Variants in RALYL observed in about 807,000 individuals in gnomAD.
The protein encoded by RALYL is RALY RNA binding protein like, also known as RNA-binding Raly-like protein.
RALYL carries 29 observed loss-of-function variants against 35.1 expected under a neutral mutation model. The observed-to-expected ratio is 0.83, with a 90% CI of 0.61 to 1.13. The LOEUF (loss-of-function observed/expected upper bound fraction) is 1.13. Ranked by LOEUF, RALYL falls within the 50% of genes most tolerant of loss-of-function variation. The probability of loss-of-function intolerance (pLI) is 0.00; values close to 1 mark genes in which losing one functional copy is unlikely to be tolerated. For missense variants in RALYL, 359 were observed against 360.4 expected, an observed-to-expected ratio of 1.00 and a Z score of 0.03; for synonymous variants, 120 against 127.6, an observed-to-expected ratio of 0.94 and a Z score of 0.40.
At chr8:84,621,926 A>G (rs2050034636) in intron 2 of RALYL, among the ~76,000 whole-genome samples, 1 of 152,160 alleles carries the variant, frequency 6.6e-6, no homozygotes, top group Non-Finnish European at 1.5e-5. Flanking sequence ...ATTTACTATG[A>G]CTTTTTGGTA....
intron 1 of RALYL, among the ~76,000 whole-genome samples, chr8:84,391,516 C>T (rs1860693711): frequency 6.6e-6 from 1 of 152,024 alleles, no homozygotes; most frequent in Non-Finnish European, 1.5e-5. Context: ...ACCTCCTTTT[C>T]AGTTCATTGT....
chr8:84,557,536 AT>A (rs773237445), intron 2 of RALYL, among the ~76,000 whole-genome samples: 19 of 152,230 alleles, frequency 1.2e-4, no homozygotes, highest in Admixed American at 1.2e-3. Context: ...TCTAGAGCTT[AT>A]GCATTCTCTA....
chr8:84,830,897 T>G (rs1047159927), intron 4 of RALYL, among the ~76,000 whole-genome samples: 1 of 152,064 alleles, frequency 6.6e-6, no homozygotes, highest in Admixed American at 6.5e-5. Flanking sequence ...ATATGGAAAA[T>G]ATCAGTTAAC....
At chr8:84,899,058 A>G (rs1041816440) in intron 8 of RALYL, among the ~76,000 whole-genome samples, 9 of 152,142 alleles carry the variant, frequency 5.9e-5, no homozygotes, top group Non-Finnish European at 1.3e-4. Flanking sequence ...ATGTTGGGTT[A>G]CCTGATGATT....
chr8:84,833,930 C>G (rs1330047349), intron 4 of RALYL, among the ~76,000 whole-genome samples: 1 of 151,382 alleles, frequency 6.6e-6, no homozygotes, highest in Non-Finnish European at 1.5e-5. Flanking sequence ...TAAATGATAA[C>G]TGTTAACATT....
intron 1 of RALYL, among the ~76,000 whole-genome samples, chr8:84,330,665 G>C (rs569533280): frequency 6.6e-6 from 1 of 151,850 alleles, no homozygotes; most frequent in East Asian, 1.9e-4. Flanking sequence ...ATCTTTGAAG[G>C]CCTGTTATCC....
chr8:84,463,835 T>A (rs185351327), intron 1 of RALYL, among the ~76,000 whole-genome samples: 175 of 152,168 alleles, frequency 1.2e-3, no homozygotes, highest in Non-Finnish European at 2.1e-3. Context: ...ATGCACATAG[T>A]CATGTACCCA....
chr8:84,794,528 T>A (rs1177918796), intron 3 of RALYL, among the ~76,000 whole-genome samples: 2 of 152,262 alleles, frequency 1.3e-5, no homozygotes, highest in African/African-American at 4.8e-5. Context: ...CAAATCTTGC[T>A]ACATGAAAAT....
At chr8:84,471,522 A>C (rs2052752129) in intron 1 of RALYL, among the ~76,000 whole-genome samples, 1 of 152,046 alleles carries the variant, frequency 6.6e-6, no homozygotes, top group Non-Finnish European at 1.5e-5. Flanking sequence ...TGAGCCCAGG[A>C]GTTTGACAGC....
chr8:84,397,596 A>G (rs1004212759), intron 1 of RALYL, among the ~76,000 whole-genome samples: 1 of 152,196 alleles, frequency 6.6e-6, no homozygotes, highest in Non-Finnish European at 1.5e-5. Flanking sequence ...CTAGGCCAGA[A>G]CCACCACATT....
intron 1 of RALYL, among the ~76,000 whole-genome samples, chr8:84,186,959 T>C (rs1812683595): frequency 2.0e-5 from 3 of 152,120 alleles, no homozygotes; most frequent in Middle Eastern, 3.2e-3. Flanking sequence ...AAAAAATGTA[T>C]TTTTTCATTC....
intron 1 of RALYL, among the ~76,000 whole-genome samples, chr8:84,447,016 C>A (rs371650033): frequency 6.6e-6 from 1 of 152,092 alleles, no homozygotes. Flanking sequence ...GCACTAATTT[C>A]AAAAGCTTAA....
At chr8:84,742,844 G>A (rs892998885) in intron 2 of RALYL, among the ~76,000 whole-genome samples, 2 of 151,936 alleles carry the variant, frequency 1.3e-5, no homozygotes, top group African/African-American at 4.8e-5. Context: ...GTGCACATAC[G>A]GTTTAAATCA....
intron 1 of RALYL, among the ~76,000 whole-genome samples, chr8:84,527,312 G>A (rs2058973300): frequency 6.6e-6 from 1 of 152,160 alleles, no homozygotes; most frequent in African/African-American, 2.4e-5. Flanking sequence ...TTCACAGTGA[G>A]GATTCAGAGT....
chr8:84,689,029 C>A (rs912851369), intron 2 of RALYL, among the ~76,000 whole-genome samples: 8 of 151,704 alleles, frequency 5.3e-5, no homozygotes, highest in Non-Finnish European at 1.2e-4. Flanking sequence ...TTAACTCATA[C>A]ACTATTAGAC....
In RALYL at chr8:84,357,274, A is replaced by G. The variant is rs780690733; in HGVS notation, c.-23-172025A>G. 1.9e-3 allele frequency among the ~76,000 whole-genome samples: 291 copies of G among 152,062 alleles called. 2 individuals carry two copies. Among genetic ancestry groups the G allele is most frequent in the Non-Finnish European group, 1.9e-3 (131 of 67,982 alleles). On this transcript the variant is annotated intron_variant, in intron 1 of 8. Transcript: ENST00000521268. ...GAAAAAAAGGTATAATTTACATACT[A>G]TACATCAGAATAGAAATGTAAGATC...
At chr8:84,525,730 G>T (rs78848654) in intron 1 of RALYL, among the ~76,000 whole-genome samples, 1 of 151,500 alleles carries the variant, frequency 6.6e-6, no homozygotes, top group African/African-American at 2.4e-5. Flanking sequence ...TCACAAATTC[G>T]TTCTTCTGCA....
At chr8:84,775,845 T>A (rs1816720691) in intron 3 of RALYL, among the ~76,000 whole-genome samples, 1 of 152,226 alleles carries the variant, frequency 6.6e-6, no homozygotes, top group South Asian at 2.1e-4. Context: ...AAACCATATG[T>A]CCCACTTCAT....
At chr8:84,419,703 C>A (rs1034178697) in intron 1 of RALYL, among the ~76,000 whole-genome samples, 9 of 119,134 alleles carry the variant, frequency 7.6e-5, no homozygotes, top group African/African-American at 1.9e-4. Flanking sequence ...CCCCTCCCCC[C>A]ACCCCACAAC....
Sources: allele counts gnomAD v4.1 joint callset (sites outside exome capture counted in the v4.1 genomes callset), GRCh38; gene constraint gnomAD v4.1.1; transcripts MANE v1.5; gene names NCBI Gene and HGNC (gene_info 2026-07-23, HGNC 2026-07-21).